MTHFD2L: variants seen among roughly 807,000 people sequenced by gnomAD.
MTHFD2L encodes the protein methylenetetrahydrofolate dehydrogenase (NADP+ dependent) 2 like, also known as bifunctional methylenetetrahydrofolate dehydrogenase/cyclohydrolase 2, mitochondrial.
A neutral mutation model predicts 34.9 loss-of-function variants in MTHFD2L; 29 were observed. That is an observed-to-expected ratio of 0.83 (90% CI 0.62 to 1.13). MTHFD2L has a LOEUF of 1.13. MTHFD2L is among the 50% of genes most tolerant of loss of function. MTHFD2L has a pLI of 0.00. For synonymous variants in MTHFD2L, 167 were observed against 155.7 expected, an observed-to-expected ratio of 1.07 and a Z score of -0.54; for missense variants, 481 against 446.5, an observed-to-expected ratio of 1.08 and a Z score of -0.70.
At chr4:74,123,409 T>C (rs1721853324), upstream of MTHFD2L, 1 of 152,176 alleles carries the variant, frequency 6.6e-6, no homozygotes, top group African/African-American at 2.4e-5. Context: ...ATGCTTTCTG[T>C]AGCACTGTGT....
intron 3 of MTHFD2L, among the ~76,000 whole-genome samples, chr4:74,192,271 A>G (rs1305517613): frequency 6.6e-6 from 1 of 152,170 alleles, no homozygotes; most frequent in Non-Finnish European, 1.5e-5. Flanking sequence ...TATTGTTATA[A>G]AAAATTCAAA....
At chr4:74,190,545 C>A in intron 3 of MTHFD2L, 1 of 985,160 alleles carries the variant, frequency 1.0e-6, no homozygotes, top group Non-Finnish European at 1.2e-6. Context: ...CCAAGCTCCA[C>A]TGTGTTCTCA....
chr4:74,261,200 T>G (rs530409502), intron 6 of MTHFD2L, among the ~76,000 whole-genome samples: 4 of 152,150 alleles, frequency 2.6e-5, no homozygotes, highest in Admixed American at 1.3e-4. Context: ...CGAGGTGGTG[T>G]TCTTTGAAGG....
Position 74,158,122 on chromosome 4 carries a change from G to T in MTHFD2L, c.-17G>T. ...CGGGAGGTGGAGCCCCAGTCCGGAA[G>T]CCGGGGATCCGCGGCCATGACGGTG... is the stretch of plus-strand genomic sequence containing the variant. On this transcript the variant is annotated 5_prime_UTR_variant, in exon 1 of 8. Coordinates refer to ENST00000325278, the MANE Select transcript of MTHFD2L (RefSeq NM_001144978.3). 1 of 1,530,632 alleles carries T rather than the reference G, an allele frequency of 6.5e-7. No individual in the cohort carries two copies. The highest frequency in any genetic ancestry group is 1.2e-5 in the South Asian group (1 of 82,924). The allele number at this position is 1,530,632 out of a possible 1,614,324, so 94.8% of individuals were successfully genotyped here. A position where few individuals can be genotyped will look rare whatever the true frequency, so the allele number is the denominator to read the frequency against.
At chr4:74,131,950 G>T (rs1258379822) in intron 1 of MTHFD2L, among the ~76,000 whole-genome samples, 1 of 152,174 alleles carries the variant, frequency 6.6e-6, no homozygotes, top group Non-Finnish European at 1.5e-5. Context: ...CTTCTTAAAA[G>T]AAGACATTTA....
chr4:74,278,610 C>T (rs1407169686), intron 6 of MTHFD2L, among the ~76,000 whole-genome samples: 1 of 152,044 alleles, frequency 6.6e-6, no homozygotes, highest in Non-Finnish European at 1.5e-5. Flanking sequence ...TGGTTGTTGG[C>T]AGGGGGCTGA....
intron 1 of MTHFD2L, among the ~76,000 whole-genome samples, chr4:74,133,343 T>G (rs985566151): frequency 6.6e-6 from 1 of 152,220 alleles, no homozygotes; most frequent in African/African-American, 2.4e-5. Context: ...TATCTAGATA[T>G]TTCTGTCTTT....
At chr4:74,272,569 A>G (rs1668446695) in intron 6 of MTHFD2L, among the ~76,000 whole-genome samples, 2 of 152,144 alleles carry the variant, frequency 1.3e-5, no homozygotes, top group South Asian at 4.2e-4. Flanking sequence ...AGTATCTGCA[A>G]CTGGCTTTAC....
At chr4:74,240,322 T>A (rs1311220258) in intron 6 of MTHFD2L, among the ~76,000 whole-genome samples, 2 of 152,182 alleles carry the variant, frequency 1.3e-5, no homozygotes, top group African/African-American at 4.8e-5. Flanking sequence ...TAACATTATC[T>A]CGGTTCCCAA....
At chr4:74,117,907 T>C (rs1052714888) in intron 2 of MTHFD2L, among the ~76,000 whole-genome samples, 2 of 152,238 alleles carry the variant, frequency 1.3e-5, no homozygotes, top group Non-Finnish European at 2.9e-5. Context: ...AACTCTGTAC[T>C]TATCGATGAT....
chr4:74,230,591 GAA>G (rs11324931), intron 6 of MTHFD2L, among the ~76,000 whole-genome samples: 125 of 128,914 alleles, frequency 9.7e-4, no homozygotes, highest in Admixed American at 1.4e-3. Flanking sequence ...CTCTGTCTCA[GAA>G]AAAAAAAAAA....
upstream of MTHFD2L, among the ~76,000 whole-genome samples, chr4:74,154,312 T>G (rs1724114703): frequency 6.6e-6 from 1 of 152,128 alleles, no homozygotes; most frequent in Non-Finnish European, 1.5e-5. Flanking sequence ...AGTTACTCTC[T>G]TTTCCCATTT....
intron 1 of MTHFD2L, among the ~76,000 whole-genome samples, chr4:74,142,690 T>C (rs949928179): frequency 2.0e-4 from 31 of 152,206 alleles, no homozygotes; most frequent in African/African-American, 7.0e-4. Flanking sequence ...AACATACTTA[T>C]TCCATGGCTC....
chr4:74,158,195 G>A lies in MTHFD2L; in HGVS notation c.57G>A (p.Pro19=), dbSNP rs1049286588. ...SLLRGRLGRA[P]ALGRSTAPSV... ...TCCGCGGCCGCCTTGGCCGAGCGCC[G>A]GCGTTGGGCAGAAGCACAGCACCCT... The change falls in exon 1 of 8, where the codon CCG becomes CCA. Residue 19 remains proline (P), a synonymous_variant. Transcript: ENST00000325278. 2.6e-6 allele frequency: 4 copies of A among 1,525,700 alleles called. No individual in the cohort carries two copies. The highest frequency in any genetic ancestry group is 1.4e-5 in the African/African-American group (1 of 72,386). 94.5% of individuals were successfully genotyped at this position (1,525,700 alleles called of 1,614,324 possible).
chr4:74,158,260 G>A lies in MTHFD2L; in HGVS notation c.122G>A (p.Gly41Asp). ...GGAGAGCCCGGGAGTGCGTTCCGGG[G>A]CTTTCGGAGCAGCGGTGTGAGGTAC... ...APGEPGSAFR[G>D]FRSSGVRHEA... Residue 41 changes from glycine to aspartate, a missense_variant, in exon 1 of 8, where the codon GGC becomes GAC. Gly to Asp is a moderately conservative substitution (Grantham distance 94, BLOSUM62 -1). Coordinates refer to ENST00000325278, the MANE Select transcript of MTHFD2L (RefSeq NM_001144978.3). The A allele has an allele frequency of 1.4e-6, 2 of 1,454,944 alleles. No homozygotes were observed. The highest frequency in any genetic ancestry group is 2.9e-5 in the South Asian group (2 of 68,908). The allele number at this position is 1,454,944 out of a possible 1,614,324, so 90.1% of individuals were successfully genotyped here. A position where few individuals can be genotyped will look rare whatever the true frequency, so the allele number is the denominator to read the frequency against.
chr4:74,148,877 C>T (rs966135917), intron 1 of MTHFD2L, among the ~76,000 whole-genome samples: 22 of 151,810 alleles, frequency 1.4e-4, no homozygotes, highest in Admixed American at 1.3e-3. Context: ...CTTTCCCTTA[C>T]TTAGTCTTTT....
At chr4:74,250,784 C>T (rs761188364) in intron 6 of MTHFD2L, among the ~76,000 whole-genome samples, 35 of 152,150 alleles carry the variant, frequency 2.3e-4, no homozygotes, top group Non-Finnish European at 4.1e-4. Context: ...TTGCCTACAA[C>T]ACACATCTGT....
intron 5 of MTHFD2L, among the ~76,000 whole-genome samples, chr4:74,202,478 C>G (rs183957410): frequency 1.3e-3 from 203 of 152,228 alleles, no homozygotes; most frequent in African/African-American, 4.6e-3. Context: ...ACTGAACCAC[C>G]ACAGAAATGG....
At chr4:74,193,500 T>C (rs1236585518) in intron 3 of MTHFD2L, among the ~76,000 whole-genome samples, 1 of 152,228 alleles carries the variant, frequency 6.6e-6, no homozygotes, top group East Asian at 1.9e-4. Flanking sequence ...TTGAGATGAT[T>C]GCAATGACTC....
Sources: gnomAD v4.1 joint callset for allele counts (sites outside exome capture counted in the v4.1 genomes callset) on GRCh38, gnomAD v4.1.1 for gene constraint, MANE v1.5 for transcripts, NCBI Gene and HGNC (gene_info 2026-07-23, HGNC 2026-07-21) for gene names.